The following PPP1R12A variants were observed in gnomAD, a reference collection of about 807,000 sequenced individuals.
PPP1R12A encodes protein phosphatase 1 regulatory subunit 12A.
PPP1R12A carries 19 observed loss-of-function variants against 139.6 expected under a neutral mutation model. That is an observed-to-expected ratio of 0.14 (90% CI 0.09 to 0.20). The LOEUF (loss-of-function observed/expected upper bound fraction) is 0.20, where lower values mean the gene tolerates loss of function less well. PPP1R12A is among the 10% of genes least tolerant of loss of function. The pLI is 1.00. For missense variants in PPP1R12A, 925 were observed against 1,211.5 expected (o/e 0.76, Z 3.51); for synonymous variants, 427 against 420.6 (o/e 1.02, Z -0.19).
In PPP1R12A at chr12:79,934,943, C is replaced by G. The variant is rs140245461; in HGVS notation, c.-12G>C. ...TCCGCCATCTTCATCCCCTCTCCTG[C>G]CGCCGGGTCTTCTTATCGCGAGGGG... On this transcript the variant is annotated 5_prime_UTR_variant, in exon 1 of 25. Coordinates refer to ENST00000450142, the MANE Select transcript of PPP1R12A (RefSeq NM_002480.3). The G allele has an allele frequency of 2.5e-6, 4 of 1,575,608 alleles. No homozygotes were observed. The highest frequency in any genetic ancestry group is 1.3e-5 in the African/African-American group (1 of 74,246).
At chr12:79,896,847 T>A (rs1385286206) in intron 1 of PPP1R12A, among the ~76,000 whole-genome samples, 1 of 152,198 alleles carries the variant, frequency 6.6e-6, no homozygotes, top group Non-Finnish European at 1.5e-5. Flanking sequence ...AAGGAGTGTA[T>A]CAGTTCTAAA....
chr12:79,856,658 C>A (rs1475645482), intron 2 of PPP1R12A, among the ~76,000 whole-genome samples: 3 of 152,036 alleles, frequency 2.0e-5, no homozygotes, highest in Admixed American at 6.5e-5. Flanking sequence ...TTTTTTCTTT[C>A]AGTCTTTGAG....
In PPP1R12A at chr12:79,923,269, G is replaced by A. The variant is rs192662170; in HGVS notation, c.237+11426C>T. Among the ~76,000 whole-genome samples the A allele has an allele frequency of 9.1e-4, 138 of 152,088 alleles. 1 individual carries two copies. The highest frequency in any genetic ancestry group is 1.6e-3 in the Non-Finnish European group (112 of 68,006). Reference sequence around the variant, plus strand: ...AGCCTGAGCTGCTGAGGGAGACTTCGTCTCAAAAAAATAAATAAATAAATA... The same window carrying A: ...AGCCTGAGCTGCTGAGGGAGACTTCATCTCAAAAAAATAAATAAATAAATA... On this transcript the variant is annotated intron_variant, in intron 1 of 24. Coordinates refer to ENST00000450142, the MANE Select transcript of PPP1R12A (RefSeq NM_002480.3).
In PPP1R12A at chr12:79,774,332, A is replaced by AAAAC. The variant is rs1312118126; in HGVS notation, c.*1593_*1596dup. 1 of 152,550 alleles carries AAAAC rather than the reference A, an allele frequency of 6.6e-6. No individual in the cohort carries two copies. Among genetic ancestry groups the AAAAC allele is most frequent in the Non-Finnish European group, 1.5e-5 (1 of 67,992 alleles). The allele number at this position is 152,550 out of a possible 1,614,324, so 9.4% of individuals were successfully genotyped here. A position where few individuals can be genotyped will look rare whatever the true frequency, so the allele number is the denominator to read the frequency against. On this transcript the variant is annotated 3_prime_UTR_variant, in exon 25 of 25. Coordinates refer to ENST00000450142, the MANE Select transcript of PPP1R12A (RefSeq NM_002480.3). The stretch of plus-strand genomic sequence containing the variant: ...GAGAGGACTTAAAATCCTGCTTACC[A>AAAAC]AAACACCCTTCCCCAACCCCAAAGT...
chr12:79,861,876 G>T (rs890808735), intron 2 of PPP1R12A, among the ~76,000 whole-genome samples: 1 of 152,132 alleles, frequency 6.6e-6, no homozygotes, highest in Non-Finnish European at 1.5e-5. Context: ...ATCCACTCTG[G>T]GGGCAGGGCA....
At chr12:79,838,888 G>C (rs1565770213) in intron 3 of PPP1R12A, among the ~76,000 whole-genome samples, 1 of 152,226 alleles carries the variant, frequency 6.6e-6, no homozygotes, top group African/African-American at 2.4e-5. Context: ...ACCCCACACA[G>C]AATCCCCACT....
intron 2 of PPP1R12A, among the ~76,000 whole-genome samples, chr12:79,866,178 C>T (rs1468829190): frequency 6.6e-6 from 1 of 152,134 alleles, no homozygotes; most frequent in East Asian, 1.9e-4. Context: ...CATCTATCAA[C>T]ATCTGATCTT....
intron 1 of PPP1R12A, among the ~76,000 whole-genome samples, chr12:79,913,188 CAT>C (rs757962000): frequency 5.3e-5 from 8 of 152,344 alleles, no homozygotes; most frequent in East Asian, 3.9e-4. Flanking sequence ...TTAAAACACA[CAT>C]GTGCACACGC....
chr12:79,846,672 G>A (rs1007548412), intron 2 of PPP1R12A, among the ~76,000 whole-genome samples: 6 of 147,678 alleles, frequency 4.1e-5, no homozygotes, highest in African/African-American at 7.5e-5. Flanking sequence ...CTCGTGATCC[G>A]CCTGCCTCGG....
At chr12:79,903,505 A>G (rs1451067385) in intron 1 of PPP1R12A, among the ~76,000 whole-genome samples, 2 of 152,140 alleles carry the variant, frequency 1.3e-5, no homozygotes, top group East Asian at 3.8e-4. Flanking sequence ...TGAGGTACAC[A>G]TGAAGCGTAA....
chr12:79,933,892 G>GA (rs1166639106), intron 1 of PPP1R12A, among the ~76,000 whole-genome samples: 1 of 152,174 alleles, frequency 6.6e-6, no homozygotes, highest in Non-Finnish European at 1.5e-5. Flanking sequence ...AACCGGCTTT[G>GA]AAAAGAGTGT....
intron 1 of PPP1R12A, among the ~76,000 whole-genome samples, chr12:79,890,708 C>T (rs904446958): frequency 1.3e-5 from 2 of 152,064 alleles, no homozygotes; most frequent in Non-Finnish European, 2.9e-5. Flanking sequence ...TAACATAAAG[C>T]ATGGAGGCCT....
At chr12:79,876,213 C>G (rs1883085404) in intron 1 of PPP1R12A, among the ~76,000 whole-genome samples, 1 of 152,162 alleles carries the variant, frequency 6.6e-6, no homozygotes, top group African/African-American at 2.4e-5. Flanking sequence ...TGAGTATCTA[C>G]TTTATTTTTC....
At chr12:79,792,453 G>T (rs1872000379) in intron 19 of PPP1R12A, among the ~76,000 whole-genome samples, 1 of 151,620 alleles carries the variant, frequency 6.6e-6, no homozygotes, top group African/African-American at 2.4e-5. Flanking sequence ...GTTTGACTTA[G>T]GTTTCATATT....
intron 2 of PPP1R12A, among the ~76,000 whole-genome samples, chr12:79,855,932 A>C (rs1880605612): frequency 6.6e-6 from 1 of 152,124 alleles, no homozygotes; most frequent in Non-Finnish European, 1.5e-5. Flanking sequence ...TAAAAAAAAA[A>C]ACACAGTAAG....
At chr12:79,894,198 A>T (rs1884922099) in intron 1 of PPP1R12A, among the ~76,000 whole-genome samples, 1 of 152,210 alleles carries the variant, frequency 6.6e-6, no homozygotes, top group African/African-American at 2.4e-5. Flanking sequence ...CTGTTAAAAT[A>T]ACAGCACTGT....
At chr12:79,923,277 A>AAAAT (rs948797592) in intron 1 of PPP1R12A, among the ~76,000 whole-genome samples, 26 of 152,310 alleles carry the variant, frequency 1.7e-4, no homozygotes, top group South Asian at 1.2e-3. Flanking sequence ...TCGTCTCAAA[A>AAAAT]AAATAAATAA....
chr12:79,800,597 C>T (rs1872997086), intron 14 of PPP1R12A, among the ~76,000 whole-genome samples: 1 of 151,564 alleles, frequency 6.6e-6, no homozygotes, highest in Non-Finnish European at 1.5e-5. Flanking sequence ...GAGTCAGCAC[C>T]CCTAACCCTT....
chr12:79,774,818 T>C lies in PPP1R12A; in HGVS notation c.*1111A>G, dbSNP rs1869565751. On this transcript the variant is annotated 3_prime_UTR_variant, in exon 25 of 25. Transcript: ENST00000450142. ...GTTTTAGACAGCACTCAGATAAATA[T>C]AGGTATGTGAAATGTAAAGCAATTA... 6.6e-6 allele frequency: 1 copy of C among 152,546 alleles called. No homozygotes were observed. Among genetic ancestry groups the C allele is most frequent in the Non-Finnish European group, 1.5e-5 (1 of 67,992 alleles). The allele number at this position is 152,546 out of a possible 1,614,324, so 9.4% of individuals were successfully genotyped here. A position where few individuals can be genotyped will look rare whatever the true frequency, so the allele number is the denominator to read the frequency against.
Sources: gnomAD v4.1 joint callset for allele counts (sites outside exome capture counted in the v4.1 genomes callset) on GRCh38, gnomAD v4.1.1 for gene constraint, MANE v1.5 for transcripts, NCBI Gene and HGNC (gene_info 2026-07-23, HGNC 2026-07-21) for gene names.